Variants in FRMPD4 observed in about 807,000 individuals in gnomAD.
FRMPD4 encodes the protein FERM and PDZ domain-containing protein 4.
A neutral mutation model predicts 94.1 loss-of-function variants in FRMPD4; 22 were observed. That is an observed-to-expected ratio of 0.23 (90% CI 0.17 to 0.33). The LOEUF (loss-of-function observed/expected upper bound fraction) is 0.33. FRMPD4 is among the 10% of genes least tolerant of loss of function. FRMPD4 has a pLI of 1.00. For synonymous variants in FRMPD4, 631 were observed against 548.6 expected (o/e 1.15, Z -2.10); for missense variants, 1,111 against 1,339.9 (o/e 0.83, Z 2.67).
intron 1 of FRMPD4, among the ~76,000 whole-genome samples, chrX:12,445,139 A>G (rs1309484956): frequency 3.6e-5 from 4 of 112,013 alleles, no homozygotes; most frequent in Admixed American, 9.5e-5. Context: ...TGCATTAGTT[A>G]TCATAAAATT....
chrX:11,895,668 T>A (rs1344573726), intron 3 of FRMPD4, among the ~76,000 whole-genome samples: 1 of 112,069 alleles, frequency 8.9e-6, no homozygotes, highest in East Asian at 2.8e-4. Flanking sequence ...GATAAACTGT[T>A]GTAACGTGAA....
intron 3 of FRMPD4, among the ~76,000 whole-genome samples, chrX:11,890,534 G>A (rs973758040): frequency 1.8e-5 from 2 of 112,100 alleles, no homozygotes; most frequent in African/African-American, 3.2e-5. Context: ...CCTATTATGT[G>A]GTTTGTTTTT....
chrX:12,445,326 C>T (rs886476854), intron 1 of FRMPD4, among the ~76,000 whole-genome samples: 4 of 112,159 alleles, frequency 3.6e-5, no homozygotes, highest in South Asian at 3.7e-4. Context: ...AGAATGCTGA[C>T]GTAGAGCATT....
intron 2 of FRMPD4, among the ~76,000 whole-genome samples, chrX:12,593,409 C>T (rs1366483449): frequency 8.9e-6 from 1 of 111,981 alleles, no homozygotes; most frequent in East Asian, 2.8e-4. Flanking sequence ...ATTAAACTTT[C>T]ATTGTGATGC....
intron 1 of FRMPD4, among the ~76,000 whole-genome samples, chrX:12,157,015 A>C (rs1471531472): frequency 9.0e-6 from 1 of 111,579 alleles, no homozygotes; most frequent in South Asian, 3.7e-4. Context: ...TAAATGAATC[A>C]AATGTTTGAT....
chrX:12,565,272 C>T (rs1457230464), intron 2 of FRMPD4, among the ~76,000 whole-genome samples: 1 of 111,358 alleles, frequency 9.0e-6, no homozygotes, highest in African/African-American at 3.3e-5. Flanking sequence ...GGAGCTTAGG[C>T]CCACTCTTGA....
intron 3 of FRMPD4, among the ~76,000 whole-genome samples, chrX:11,896,469 T>G (rs7883902): frequency 0.063 from 6,979 of 111,276 alleles, 546 homozygotes; most frequent in African/African-American, 0.22. Flanking sequence ...AAAGAGATCC[T>G]AGAGAGCTGC....
intron 2 of FRMPD4, among the ~76,000 whole-genome samples, chrX:12,558,663 C>T (rs1044558163): frequency 1.8e-5 from 2 of 110,603 alleles, no homozygotes; most frequent in Non-Finnish European, 3.8e-5. Flanking sequence ...TTTTTTTTTT[C>T]CCCTCCACAT....
intron 1 of FRMPD4, among the ~76,000 whole-genome samples, chrX:12,148,126 C>T (rs745940049): frequency 1.3e-4 from 15 of 112,112 alleles, no homozygotes; most frequent in Non-Finnish European, 2.1e-4. Context: ...ACATCTCTCA[C>T]TTTAAATTGA....
intron 3 of FRMPD4, chrX:12,614,340 T>C (rs2148424505): frequency 7.9e-6 from 1 of 127,279 alleles, no homozygotes; most frequent in Non-Finnish European, 1.6e-5. Flanking sequence ...ACACAACTGA[T>C]TGGCTACCTG....
intron 1 of FRMPD4, among the ~76,000 whole-genome samples, chrX:12,322,973 ACAAT>A (rs1242499243): frequency 1.8e-5 from 2 of 112,017 alleles, no homozygotes; most frequent in Non-Finnish European, 3.8e-5. Flanking sequence ...GATGGGTCTC[ACAAT>A]CAATAGTATC....
rs1569078507 is a variant in FRMPD4 at position 12,720,057 on chromosome X, A to AGGAAAG, written c.3965-476_3965-475insGAAAGG. 3.3e-3 allele frequency among the ~76,000 whole-genome samples: 261 copies of AGGAAAG among 80,000 alleles called. 4 individuals are homozygous for AGGAAAG. The highest frequency in any genetic ancestry group is 0.012 in the African/African-American group (235 of 20,249). 69.5% of individuals were successfully genotyped at this position (80,000 alleles called of 115,157 possible). A position where few individuals can be genotyped will look rare whatever the true frequency, so the allele number is the denominator to read the frequency against. ...AAGGAAAGGAAAGGAAAGGAAAGAAAGAAAGAAAGAAAGAAAGAAAGAAAG... is the reference window on the plus strand; with the variant it reads ...AAGGAAAGGAAAGGAAAGGAAAGAAAGGAAAGGAAAGAAAGAAAGAAAGAAAGAAAG... On this transcript the variant is annotated intron_variant, in intron 16 of 16. Transcript: ENST00000675598.
At chrX:12,531,742 T>C (rs2058288055) in intron 2 of FRMPD4, among the ~76,000 whole-genome samples, 1 of 111,137 alleles carries the variant, frequency 9.0e-6, no homozygotes, top group Non-Finnish European at 1.9e-5. Context: ...ATAATCTCCC[T>C]GGGTGATTTT....
intron 2 of FRMPD4, among the ~76,000 whole-genome samples, chrX:12,547,011 TAAAAAA>T (rs57946725): frequency 1.5e-3 from 50 of 33,771 alleles, no homozygotes; most frequent in African/African-American, 5.0e-3. Flanking sequence ...ACTGTCTCTT[TAAAAAA>T]AAAAAAAAAA....
At chrX:12,541,601 G>A (rs1194871598) in intron 2 of FRMPD4, among the ~76,000 whole-genome samples, 1 of 111,379 alleles carries the variant, frequency 9.0e-6, no homozygotes, top group Non-Finnish European at 1.9e-5. Flanking sequence ...ATAATTAATA[G>A]CCTACCAACC....
intron 3 of FRMPD4, among the ~76,000 whole-genome samples, chrX:12,020,015 C>T (rs1274386211): frequency 1.8e-5 from 2 of 111,780 alleles, no homozygotes; most frequent in Non-Finnish European, 3.8e-5. Context: ...GTAACTTTCC[C>T]AAAGTCACAG....
chrX:11,935,072 ATTTTTTTTTTT>A (rs753999126), intron 3 of FRMPD4, among the ~76,000 whole-genome samples: 1 of 40,240 alleles, frequency 2.5e-5, no homozygotes, highest in Non-Finnish European at 4.4e-5. Context: ...ACTATTGGTG[ATTTTTTTTTTT>A]TTTTTTTTTT....
chrX:12,516,658 T>C (rs1330619923), intron 2 of FRMPD4, among the ~76,000 whole-genome samples: 9 of 111,168 alleles, frequency 8.1e-5, no homozygotes, highest in African/African-American at 2.9e-4. Context: ...GAGAATCTGA[T>C]GATTATGTGT....
At chrX:12,539,870 G>A (rs1342719774) in intron 2 of FRMPD4, among the ~76,000 whole-genome samples, 1 of 111,721 alleles carries the variant, frequency 9.0e-6, no homozygotes, top group Non-Finnish European at 1.9e-5. Context: ...CTGACCTCAG[G>A]TGATCCACCC....
Sources: allele counts gnomAD v4.1 joint callset (sites outside exome capture counted in the v4.1 genomes callset), GRCh38; gene constraint gnomAD v4.1.1; transcripts MANE v1.5; gene names NCBI Gene and HGNC (gene_info 2026-07-23, HGNC 2026-07-21).